Variants in ALK observed in about 807,000 individuals in gnomAD.
The protein encoded by ALK is ALK receptor tyrosine kinase.
Under a neutral mutation model 163.1 loss-of-function variants are expected in ALK, and 74 were observed. The ratio of observed to expected loss-of-function variants is 0.45; its 90% CI spans 0.38 to 0.55. ALK has a LOEUF of 0.55. ALK is among the 20% of genes least tolerant of loss of function. The pLI is 0.00. For synonymous variants in ALK, 960 were observed against 843.2 expected, an observed-to-expected ratio of 1.14 and a Z score of -2.40; for missense variants, 2,063 against 2,105.3, an observed-to-expected ratio of 0.98 and a Z score of 0.39.
At chr2:29,327,826 G>A (rs1234382654) in intron 6 of ALK, among the ~76,000 whole-genome samples, 2 of 152,192 alleles carry the variant, frequency 1.3e-5, no homozygotes, top group African/African-American at 2.4e-5. Context: ...TGTGGGGGAT[G>A]GCCAGGGAGG....
At chr2:29,413,440 A>G (rs890199763) in intron 4 of ALK, among the ~76,000 whole-genome samples, 1 of 151,946 alleles carries the variant, frequency 6.6e-6, no homozygotes, top group African/African-American at 2.4e-5. Context: ...TCCGCCTCCC[A>G]GGTTCAATTG....
At chr2:29,668,219 A>C (rs1282943283) in intron 3 of ALK, among the ~76,000 whole-genome samples, 1 of 151,808 alleles carries the variant, frequency 6.6e-6, no homozygotes, top group Non-Finnish European at 1.5e-5. Flanking sequence ...TTATCTTTAA[A>C]AATAACTTTT....
chr2:29,738,973 ATGCCTGTAATCCCAG>A (rs1314572778), intron 1 of ALK, among the ~76,000 whole-genome samples: 2 of 152,052 alleles, frequency 1.3e-5, no homozygotes. Flanking sequence ...ACAGTGGCTC[ATGCCTGTAATCCCAG>A]TGCTTTGGGA....
At chr2:29,741,045 A>G (rs1307118203) in intron 1 of ALK, among the ~76,000 whole-genome samples, 4 of 152,218 alleles carry the variant, frequency 2.6e-5, no homozygotes, top group Non-Finnish European at 1.5e-5. Flanking sequence ...GTATCAAGCC[A>G]TGAAAGACAT....
intron 22 of ALK, among the ~76,000 whole-genome samples, chr2:29,221,762 G>A (rs1669810284): frequency 6.6e-6 from 1 of 152,132 alleles, no homozygotes; most frequent in Non-Finnish European, 1.5e-5. Context: ...AGTGTGACAG[G>A]GGGCCATGAG....
intron 3 of ALK, among the ~76,000 whole-genome samples, chr2:29,547,254 T>C (rs1469609548): frequency 6.6e-6 from 1 of 152,240 alleles, no homozygotes; most frequent in African/African-American, 2.4e-5. Flanking sequence ...CCTTCCCTTC[T>C]TTTAAACTCT....
At chr2:29,677,462 T>A (rs1677918679) in intron 3 of ALK, among the ~76,000 whole-genome samples, 1 of 151,988 alleles carries the variant, frequency 6.6e-6, no homozygotes, top group South Asian at 2.1e-4. Flanking sequence ...TACCTTCTAT[T>A]CCTAGTACAT....
intron 3 of ALK, among the ~76,000 whole-genome samples, chr2:29,533,312 C>T (rs1673167992): frequency 6.6e-6 from 1 of 152,112 alleles, no homozygotes; most frequent in Admixed American, 6.5e-5. Context: ...ATCATGGGCA[C>T]AGAGGAAAAG....
rs538593003 is a variant in ALK, at chr2:29,545,666, T to C, written c.953-13550A>G. Among the ~76,000 whole-genome samples, 6 of 152,254 alleles carry C rather than the reference T, an allele frequency of 3.9e-5. No individual in the cohort carries two copies. In the East Asian group the frequency reaches 1.2e-3, roughly 29 times the overall value. ...TGTCTCCCTCTGTCTCGATGTCAAA[T>C]ATTTGGAATTAGCTCTGTTACTCTC... On this transcript the variant is annotated intron_variant, in intron 3 of 28. Transcript: ENST00000389048.
At chr2:29,823,632 C>G (rs1221936109) in intron 1 of ALK, among the ~76,000 whole-genome samples, 8 of 152,134 alleles carry the variant, frequency 5.3e-5, no homozygotes, top group Non-Finnish European at 1.5e-5. Context: ...CATTTTGCCC[C>G]TGGTCCAGAG....
intron 12 of ALK, among the ~76,000 whole-genome samples, chr2:29,244,104 C>T (rs1354604210): frequency 3.9e-5 from 6 of 152,352 alleles, no homozygotes; most frequent in Admixed American, 3.9e-4. Flanking sequence ...ACAGTGTCCA[C>T]ACACACGGGG....
intron 11 of ALK, among the ~76,000 whole-genome samples, chr2:29,263,289 A>G (rs1181678985): frequency 6.6e-6 from 1 of 152,116 alleles, no homozygotes; most frequent in Non-Finnish European, 1.5e-5. Context: ...ACTAGCATCT[A>G]AGAGAGAGGC....
chr2:29,755,663 A>G (rs1352752559), intron 1 of ALK, among the ~76,000 whole-genome samples: 1 of 152,098 alleles, frequency 6.6e-6, no homozygotes, highest in Non-Finnish European at 1.5e-5. Context: ...CCTTCTAATT[A>G]TCTTGTTTTT....
chr2:29,192,997 T>TATCA lies in ALK; in HGVS notation c.*223_*226dup. On this transcript the variant is annotated 3_prime_UTR_variant, in exon 29 of 29. Coordinates refer to ENST00000389048, the MANE Select transcript of ALK (RefSeq NM_004304.5). Reference sequence around the variant, plus strand: ...TGCAACCACATCTGGGCCTTGTATTTATCACTCATTTTTATGATATTTTCT... The same window carrying TATCA: ...TGCAACCACATCTGGGCCTTGTATTTATCAATCACTCATTTTTATGATATTTTCT... The TATCA allele has an allele frequency of 1.8e-6, 1 of 567,062 alleles. No homozygotes were observed. Among genetic ancestry groups the TATCA allele is most frequent in the Non-Finnish European group, 3.1e-6 (1 of 317,940 alleles). 35.1% of individuals were successfully genotyped at this position (567,062 alleles called of 1,614,324 possible).
intron 1 of ALK, among the ~76,000 whole-genome samples, chr2:29,784,082 A>C (rs1663929266): frequency 6.6e-6 from 1 of 152,210 alleles, no homozygotes; most frequent in South Asian, 2.1e-4. Context: ...AGAGCGAGAC[A>C]GAGACAGAGA....
chr2:29,548,154 T>C (rs1456262501), intron 3 of ALK, among the ~76,000 whole-genome samples: 1 of 152,086 alleles, frequency 6.6e-6, no homozygotes, highest in Non-Finnish European at 1.5e-5. Flanking sequence ...ATTGACAACA[T>C]GGGATGTGGA....
chr2:29,208,726 T>G (rs1313533624), intron 25 of ALK, among the ~76,000 whole-genome samples: 1 of 151,874 alleles, frequency 6.6e-6, no homozygotes, highest in African/African-American at 2.4e-5. Flanking sequence ...GAGTTAAAGC[T>G]CCATATAACG....
intron 4 of ALK, among the ~76,000 whole-genome samples, chr2:29,530,074 T>C (rs1673080651): frequency 6.6e-6 from 1 of 150,526 alleles, no homozygotes; most frequent in Non-Finnish European, 1.5e-5. Flanking sequence ...TTTTTTTTTT[T>C]TTTTTTTTTT....
chr2:29,411,682 A>C lies in ALK; in HGVS notation c.1155-27823T>G, dbSNP rs1008612095. ...CTTGGGAGTTCTTCTTTTCCTTCTCATGCAGTTTCCTTTTCTCTTGCCTCT... is the reference window on the plus strand; with the variant it reads ...CTTGGGAGTTCTTCTTTTCCTTCTCCTGCAGTTTCCTTTTCTCTTGCCTCT... On this transcript the variant is annotated intron_variant, in intron 4 of 28. Coordinates refer to ENST00000389048, the MANE Select transcript of ALK (RefSeq NM_004304.5). Among the ~76,000 whole-genome samples the C allele has an allele frequency of 2.0e-5, 3 of 152,038 alleles. No homozygotes were observed. The South Asian group carries it at 6.2e-4, about 32-fold the overall frequency.
Sources: allele counts gnomAD v4.1 joint callset (sites outside exome capture counted in the v4.1 genomes callset), GRCh38; gene constraint gnomAD v4.1.1; transcripts MANE v1.5; gene names NCBI Gene and HGNC (gene_info 2026-07-23, HGNC 2026-07-21).